PARM1: variants seen among roughly 807,000 people sequenced by gnomAD.
The protein encoded by PARM1 is WSC4, cell wall integrity and stress response component 4 homolog.
A neutral mutation model predicts 24.6 loss-of-function variants in PARM1; 14 were observed. That is an observed-to-expected ratio of 0.57 (90% CI 0.38 to 0.89). The LOEUF (loss-of-function observed/expected upper bound fraction) is 0.89. PARM1 is among the 40% of genes least tolerant of loss of function. The probability of loss-of-function intolerance (pLI) is 0.00; values close to 1 mark genes in which losing one functional copy is unlikely to be tolerated. For synonymous variants in PARM1, 179 were observed against 156.6 expected, an observed-to-expected ratio of 1.14 and a Z score of -1.07; for missense variants, 362 against 380.4, an observed-to-expected ratio of 0.95 and a Z score of 0.40.
intron 1 of PARM1, among the ~76,000 whole-genome samples, chr4:74,942,894 A>G (rs190831311): frequency 4.1e-4 from 63 of 152,296 alleles, no homozygotes; most frequent in Admixed American, 4.1e-3. Context: ...GTAAAAGCCA[A>G]AATCTTAGAG....
intron 1 of PARM1, among the ~76,000 whole-genome samples, chr4:74,999,705 T>A (rs1374136384): frequency 6.6e-6 from 1 of 152,180 alleles, no homozygotes; most frequent in African/African-American, 2.4e-5. Flanking sequence ...ATAAATGGTA[T>A]GATAGAATGC....
chr4:74,994,358 A>G (rs751912304), intron 1 of PARM1: 7 of 152,224 alleles, frequency 4.6e-5, no homozygotes, highest in Admixed American at 3.3e-4. Flanking sequence ...GATGACATTC[A>G]TCGTCATGGC....
intron 1 of PARM1, among the ~76,000 whole-genome samples, chr4:74,939,124 A>G (rs1478445862): frequency 6.6e-6 from 1 of 152,192 alleles, no homozygotes; most frequent in Non-Finnish European, 1.5e-5. Context: ...TTTAACTGCC[A>G]ACCATACTTT....
At chr4:74,964,994 T>C (rs1339485003) in intron 1 of PARM1, among the ~76,000 whole-genome samples, 1 of 152,118 alleles carries the variant, frequency 6.6e-6, no homozygotes, top group Admixed American at 6.5e-5. Flanking sequence ...AATTAGTAAA[T>C]TTGTGATACT....
intron 2 of PARM1, among the ~76,000 whole-genome samples, chr4:75,030,604 G>A (rs1462271151): frequency 2.6e-5 from 4 of 152,288 alleles, no homozygotes; most frequent in African/African-American, 7.2e-5. Context: ...AGAGTGAAAC[G>A]TGCTAGCACA....
chr4:74,939,582 G>A (rs1247144588), intron 1 of PARM1, among the ~76,000 whole-genome samples: 3 of 151,884 alleles, frequency 2.0e-5, no homozygotes, highest in Non-Finnish European at 4.4e-5. Context: ...CTTTTGTGCC[G>A]GGATCTTGAG....
chr4:74,976,451 C>A (rs531663147), intron 1 of PARM1, among the ~76,000 whole-genome samples: 9 of 152,142 alleles, frequency 5.9e-5, no homozygotes, highest in Non-Finnish European at 1.3e-4. Context: ...ACTCTGAACT[C>A]TCTGGGATGG....
At chr4:75,040,809 G>A (rs1723467796) in intron 3 of PARM1, among the ~76,000 whole-genome samples, 1 of 152,070 alleles carries the variant, frequency 6.6e-6, no homozygotes, top group South Asian at 2.1e-4. Context: ...CTACCACAAA[G>A]ATATATTGTT....
At chr4:74,972,239 A>C (rs1177125294) in intron 1 of PARM1, among the ~76,000 whole-genome samples, 1 of 152,226 alleles carries the variant, frequency 6.6e-6, no homozygotes, top group Non-Finnish European at 1.5e-5. Context: ...AGCATCTGCA[A>C]GATTGTGGTC....
intron 2 of PARM1, among the ~76,000 whole-genome samples, chr4:75,024,577 C>G (rs1723148570): frequency 6.6e-6 from 1 of 152,248 alleles, no homozygotes; most frequent in South Asian, 2.1e-4. Flanking sequence ...TGTGGAAGCT[C>G]TCACTTGCCA....
At chr4:74,994,582 G>A (rs548762457) in intron 1 of PARM1, among the ~76,000 whole-genome samples, 1 of 152,226 alleles carries the variant, frequency 6.6e-6, no homozygotes, top group Non-Finnish European at 1.5e-5. Flanking sequence ...GCCGAGGCAG[G>A]TGGATAACTT....
intron 1 of PARM1, among the ~76,000 whole-genome samples, chr4:75,008,470 A>G (rs939651429): frequency 1.3e-5 from 2 of 152,338 alleles, no homozygotes; most frequent in African/African-American, 2.4e-5. Context: ...TTTTAGCTCC[A>G]CTGGAAACGA....
rs1358725390 is a variant in PARM1, at chr4:75,033,939, G to A, written c.826G>A (p.Val276Ile). The change falls in exon 3 of 4, where the codon GTT becomes ATT. Residue 276 changes from valine to isoleucine, a missense_variant. By Grantham distance (29) the Val-to-Ile change is conservative. Coordinates refer to ENST00000307428, the MANE Select transcript of PARM1 (RefSeq NM_015393.4). ...TGCCGTGGTGCTGCTGGTGTTTGGA[G>A]TTGCAGCCTACCTAAAAATCAGGTG... ...VIAVVLLVFG[V>I]AAYLKIRHSS... is the part of the protein sequence containing the mutation. The A allele has an allele frequency of 3.1e-6, 5 of 1,602,936 alleles. No homozygotes were observed. In the African/African-American group the frequency reaches 5.3e-5, roughly 17 times the overall value.
intron 1 of PARM1, among the ~76,000 whole-genome samples, chr4:74,935,814 A>G (rs1721170786): frequency 6.6e-6 from 1 of 150,520 alleles, no homozygotes; most frequent in African/African-American, 2.5e-5. Flanking sequence ...GTAGATCTCT[A>G]CATGTATTCA....
chr4:75,012,579 C>G lies in PARM1; in HGVS notation c.198C>G (p.Leu66=). 6.2e-7 allele frequency: 1 copy of G among 1,613,936 alleles called. No individual in the cohort carries two copies. Among genetic ancestry groups the G allele is most frequent in the Non-Finnish European group, 8.5e-7 (1 of 1,179,878 alleles). The change falls in exon 2 of 4, where the codon CTC becomes CTG. Residue 66 remains leucine, a synonymous_variant. Transcript: ENST00000307428. ...PSNGTHNNSV[L]PVTASAPTSL... ...ACGGCACTCACAACAACTCGGTGCT[C>G]CCAGTTACAGCATCAGCCCCAACAT...
At chr4:74,942,427 C>G (rs1181098669) in intron 1 of PARM1, among the ~76,000 whole-genome samples, 1 of 152,242 alleles carries the variant, frequency 6.6e-6, no homozygotes, top group Non-Finnish European at 1.5e-5. Context: ...AAAGGGAAGT[C>G]AGTAGTTGAA....
chr4:74,979,780 G>A (rs911389205), intron 1 of PARM1, among the ~76,000 whole-genome samples: 18 of 152,252 alleles, frequency 1.2e-4, no homozygotes, highest in African/African-American at 3.6e-4. Context: ...GATCAAGTCA[G>A]CTTCATCCCC....
chr4:75,005,101 A>C (rs1412848577), intron 1 of PARM1, among the ~76,000 whole-genome samples: 3 of 152,230 alleles, frequency 2.0e-5, no homozygotes, highest in African/African-American at 7.2e-5. Flanking sequence ...TGTGTTAAAC[A>C]GTCCCACTGG....
intron 1 of PARM1, 135 bp from the exon 2 acceptor site, chr4:75,012,290 C>G (rs942295469): frequency 3.0e-5 from 28 of 941,250 alleles, no homozygotes; most frequent in Admixed American, 5.4e-5. Flanking sequence ...GCCTTCACAA[C>G]TGGGGAGGGC....
Sources: allele counts gnomAD v4.1 joint callset (sites outside exome capture counted in the v4.1 genomes callset), GRCh38; gene constraint gnomAD v4.1.1; transcripts MANE v1.5; gene names NCBI Gene and HGNC (gene_info 2026-07-23, HGNC 2026-07-21).